INSL6: variants seen among roughly 807,000 people sequenced by gnomAD.
The protein encoded by INSL6 is insulin-like peptide INSL6.
A neutral mutation model predicts 9.4 loss-of-function variants in INSL6; 16 were observed. That is an observed-to-expected ratio of 1.70 (90% CI 1.15 to 2.59). The LOEUF (loss-of-function observed/expected upper bound fraction) is 2.59, where lower values mean the gene tolerates loss of function less well. Among genes scored for constraint, INSL6 ranks in the 30% most tolerant of loss-of-function variants. The pLI, the probability that INSL6 is intolerant of heterozygous loss-of-function variation, is 0.00. For synonymous variants in INSL6, 154 were observed against 96.9 expected (o/e 1.59, Z -3.46); for missense variants, 391 against 257.3 (o/e 1.52, Z -3.56).
chr9:5,062,691 G>T, the INSL6 span, among the ~76,000 whole-genome samples: 1 of 151,986 alleles, frequency 6.6e-6, no homozygotes, highest in Non-Finnish European at 1.5e-5. Context: ...TGTTTCCAAT[G>T]TATCTGTACA....
intron 2 of INSL6, among the ~76,000 whole-genome samples, chr9:5,143,374 T>C (rs892338452): frequency 6.6e-6 from 1 of 152,076 alleles, no homozygotes; most frequent in African/African-American, 2.4e-5. Flanking sequence ...AGCTTGTTAG[T>C]GGTCTATTCA....
chr9:5,029,548 A>G, the INSL6 span, among the ~76,000 whole-genome samples: 3 of 152,202 alleles, frequency 2.0e-5, no homozygotes, highest in Admixed American at 2.0e-4. Flanking sequence ...AAAACCCCAC[A>G]ATATCTGCAA....
chr9:5,055,832 C>T, the INSL6 span: 1 of 1,531,374 alleles, frequency 6.5e-7, no homozygotes, highest in Non-Finnish European at 8.9e-7. Flanking sequence ...TTTTATAGTT[C>T]TCAGAAATGT....
chr9:5,037,420 C>T, the INSL6 span, among the ~76,000 whole-genome samples: 901 of 152,210 alleles, frequency 5.9e-3, 9 homozygotes, highest in African/African-American at 0.02. Flanking sequence ...ATGTTTATTG[C>T]GGCACTATTC....
At chr9:5,021,926 C>G in the INSL6 span, 1 of 1,285,652 alleles carries the variant, frequency 7.8e-7, no homozygotes, top group Non-Finnish European at 1.1e-6. Context: ...AGACACTGCG[C>G]CCAGCCCATT....
At chr9:5,180,210 A>T (rs1216554004) in intron 1 of INSL6, among the ~76,000 whole-genome samples, 2 of 152,202 alleles carry the variant, frequency 1.3e-5, no homozygotes, top group Non-Finnish European at 2.9e-5. Flanking sequence ...TAATCCTGTT[A>T]TCTTCGTAAG....
intron 2 of INSL6, among the ~76,000 whole-genome samples, chr9:5,136,364 A>T (rs1300960471): frequency 1.3e-5 from 2 of 152,204 alleles, no homozygotes; most frequent in Non-Finnish European, 2.9e-5. Context: ...TGATGCGAAA[A>T]TCCTCAATAA....
chr9:5,004,105 A>C, the INSL6 span, among the ~76,000 whole-genome samples: 1 of 152,294 alleles, frequency 6.6e-6, no homozygotes, highest in South Asian at 2.1e-4. Flanking sequence ...TCTAATTAAC[A>C]TATGTATCAC....
the INSL6 span, among the ~76,000 whole-genome samples, chr9:5,060,135 AT>A: frequency 6.6e-6 from 1 of 152,296 alleles, no homozygotes; most frequent in Non-Finnish European, 1.5e-5. Context: ...TTAAAAATTA[AT>A]TTAAAACACT....
the INSL6 span, chr9:5,090,643 C>A: frequency 6.6e-7 from 1 of 1,508,368 alleles, no homozygotes. Flanking sequence ...ATCATCTAGA[C>A]GTTTTCATAG....
the INSL6 span, among the ~76,000 whole-genome samples, chr9:5,043,013 G>A: frequency 2.6e-5 from 4 of 152,214 alleles, no homozygotes; most frequent in African/African-American, 9.6e-5. Flanking sequence ...GCGTCGCGCG[G>A]CTCGGCCCCT....
the INSL6 span, among the ~76,000 whole-genome samples, chr9:5,052,336 A>G: frequency 6.6e-6 from 1 of 152,094 alleles, no homozygotes; most frequent in Non-Finnish European, 1.5e-5. Context: ...ACTATTTAGT[A>G]ACTATTTATC....
At chr9:5,053,890 A>T in the INSL6 span, among the ~76,000 whole-genome samples, 2 of 152,072 alleles carry the variant, frequency 1.3e-5, no homozygotes, top group African/African-American at 4.8e-5. Flanking sequence ...TGGAAGAAAG[A>T]TTAGCATATA....
At chr9:5,103,190 A>G in the INSL6 span, among the ~76,000 whole-genome samples, 1 of 126,332 alleles carries the variant, frequency 7.9e-6, no homozygotes, top group African/African-American at 3.0e-5. Context: ...AAATAAAGGG[A>G]TGGAGGAAGA....
chr9:5,092,582 T>A, the INSL6 span, among the ~76,000 whole-genome samples: 1 of 152,112 alleles, frequency 6.6e-6, no homozygotes, highest in East Asian at 1.9e-4. Flanking sequence ...CTTGGCACAA[T>A]AGATACAGTA....
intron 1 of INSL6, among the ~76,000 whole-genome samples, chr9:5,167,566 T>C (rs996881150): frequency 6.6e-6 from 1 of 152,200 alleles, no homozygotes; most frequent in Admixed American, 6.5e-5. Context: ...GGCCTCCCTG[T>C]GGGAATTTTC....
the INSL6 span, chr9:5,110,165 A>T: frequency 6.6e-6 from 1 of 152,196 alleles, no homozygotes; most frequent in Non-Finnish European, 1.5e-5. Context: ...CCTGACTTCC[A>T]TCCGCCATAG....
At chr9:5,049,256 G>T in the INSL6 span, among the ~76,000 whole-genome samples, 6 of 152,146 alleles carry the variant, frequency 3.9e-5, no homozygotes, top group African/African-American at 7.2e-5. Context: ...GAGACATGAT[G>T]AAAACAGATC....
chr9:5,123,519 T>A (rs1038141981), downstream of INSL6, among the ~76,000 whole-genome samples: 3 of 152,052 alleles, frequency 2.0e-5, no homozygotes, highest in African/African-American at 7.2e-5. Flanking sequence ...CCATTTTGTA[T>A]GTATACCACA....
Sources: gnomAD v4.1 joint callset for allele counts (sites outside exome capture counted in the v4.1 genomes callset) on GRCh38, gnomAD v4.1.1 for gene constraint, MANE v1.5 for transcripts, NCBI Gene and HGNC (gene_info 2026-07-23, HGNC 2026-07-21) for gene names.